Variants in WWOX observed in about 807,000 individuals in gnomAD.
The protein encoded by WWOX is WW domain containing oxidoreductase, also known as WW domain-containing oxidoreductase.
In WWOX, 69 loss-of-function variants were observed where a neutral mutation model predicts 46.2. The ratio of observed to expected loss-of-function variants is 1.49; its 90% CI spans 1.23 to 1.82. The LOEUF is 1.82. Among genes scored for constraint, WWOX ranks in the 40% most tolerant of loss-of-function variants. The pLI is 0.00. For missense variants in WWOX, 919 were observed against 542.6 expected, an observed-to-expected ratio of 1.69 and a Z score of -6.89; for synonymous variants, 359 against 202.6, an observed-to-expected ratio of 1.77 and a Z score of -6.56.
At chr16:79,080,486 G>C (rs1201599001) in intron 8 of WWOX, among the ~76,000 whole-genome samples, 1 of 152,058 alleles carries the variant, frequency 6.6e-6, no homozygotes, top group Non-Finnish European at 1.5e-5. Context: ...CAAATCAGCT[G>C]TTTATACTCC....
chr16:78,688,888 A>C (rs2047923145), intron 8 of WWOX, among the ~76,000 whole-genome samples: 1 of 152,102 alleles, frequency 6.6e-6, no homozygotes, highest in Non-Finnish European at 1.5e-5. Flanking sequence ...GTGAGTTCTC[A>C]CAAGATTTGA....
At chr16:78,526,046 G>C (rs951222433) in intron 8 of WWOX, 3 of 152,218 alleles carry the variant, frequency 2.0e-5, no homozygotes, top group Non-Finnish European at 4.4e-5. Context: ...TTTGATGAAA[G>C]AGGTTTCCTA....
intron 8 of WWOX, among the ~76,000 whole-genome samples, chr16:78,703,063 A>G (rs761145720): frequency 6.6e-6 from 1 of 152,170 alleles, no homozygotes; most frequent in Non-Finnish European, 1.5e-5. Flanking sequence ...GGATCAGAGA[A>G]GGCTCCTCCG....
At chr16:78,434,698 C>T (rs2083298065) in intron 8 of WWOX, among the ~76,000 whole-genome samples, 1 of 152,142 alleles carries the variant, frequency 6.6e-6, no homozygotes, top group Non-Finnish European at 1.5e-5. Flanking sequence ...CTCCTTCTTC[C>T]ATAAGGTCCC....
chr16:78,605,117 G>A (rs1274903833), intron 8 of WWOX, among the ~76,000 whole-genome samples: 2 of 149,566 alleles, frequency 1.3e-5, no homozygotes, highest in African/African-American at 4.9e-5. Flanking sequence ...TTAAGTCTGT[G>A]TTAGCCTGGC....
intron 8 of WWOX, among the ~76,000 whole-genome samples, chr16:78,807,730 T>C (rs2051080370): frequency 6.6e-6 from 1 of 152,248 alleles, no homozygotes; most frequent in African/African-American, 2.4e-5. Flanking sequence ...TAATTGGGGC[T>C]TCTCCAAAGT....
Position 78,413,894 on chromosome 16 carries a change from G to T in WWOX, c.606-10976G>T, listed in dbSNP as rs182877452. On this transcript the variant is annotated intron_variant, in intron 6 of 8. Coordinates refer to ENST00000566780, the MANE Select transcript of WWOX (RefSeq NM_016373.4). ...CCCAGTACTTTGGGAGGCTGAGGTT[G>T]TCAGGCCTCTGAGCCCAAGCTGAGC... Among the ~76,000 whole-genome samples the T allele has an allele frequency of 8.1e-3, 1,233 of 151,832 alleles. 12 individuals are homozygous for T. Among genetic ancestry groups the T allele is most frequent in the South Asian group, 0.015 (73 of 4,794 alleles).
At chr16:78,900,694 C>T (rs538120877) in intron 8 of WWOX, among the ~76,000 whole-genome samples, 1 of 152,230 alleles carries the variant, frequency 6.6e-6, no homozygotes, top group East Asian at 1.9e-4. Context: ...TTGGCAAATG[C>T]CACTTTTCAT....
intron 6 of WWOX, among the ~76,000 whole-genome samples, chr16:78,393,158 G>C (rs1302412101): frequency 6.6e-6 from 1 of 152,182 alleles, no homozygotes; most frequent in African/African-American, 2.4e-5. Context: ...AGTATGAAGA[G>C]CTGGGACCCT....
At chr16:79,126,095 C>T (rs1294272948) in intron 8 of WWOX, among the ~76,000 whole-genome samples, 6 of 152,000 alleles carry the variant, frequency 3.9e-5, no homozygotes, top group African/African-American at 1.5e-4. Context: ...CATAATGTGC[C>T]CTGGAGTTTC....
intron 8 of WWOX, among the ~76,000 whole-genome samples, chr16:79,026,827 C>T (rs1359294570): frequency 4.3e-5 from 6 of 139,472 alleles, no homozygotes; most frequent in Non-Finnish European, 6.1e-5. Flanking sequence ...GACGGGGTTT[C>T]ACCATGTTAG....
At chr16:79,054,625 C>A (rs1597330154) in intron 8 of WWOX, among the ~76,000 whole-genome samples, 1 of 152,210 alleles carries the variant, frequency 6.6e-6, no homozygotes, top group East Asian at 1.9e-4. Context: ...AGTTCAGGAC[C>A]ATCCTGGGCA....
At chr16:78,294,598 T>C (rs916861722) in intron 5 of WWOX, among the ~76,000 whole-genome samples, 1 of 152,174 alleles carries the variant, frequency 6.6e-6, no homozygotes, top group Admixed American at 6.5e-5. Context: ...TGTGTATGTA[T>C]GTCCCCACTA....
chr16:79,199,595 C>T (rs1423049471), intron 8 of WWOX, among the ~76,000 whole-genome samples: 1 of 152,174 alleles, frequency 6.6e-6, no homozygotes, highest in Non-Finnish European at 1.5e-5. Flanking sequence ...TCATAGGGCT[C>T]TTGCAAGAGT....
At chr16:79,080,205 G>A (rs1033365654) in intron 8 of WWOX, among the ~76,000 whole-genome samples, 1 of 152,166 alleles carries the variant, frequency 6.6e-6, no homozygotes, top group African/African-American at 2.4e-5. Context: ...ATCCCACAGT[G>A]ACACAGCCAA....
chr16:78,268,158 G>A (rs1260361615), intron 5 of WWOX, among the ~76,000 whole-genome samples: 1 of 152,124 alleles, frequency 6.6e-6, no homozygotes, highest in Non-Finnish European at 1.5e-5. Context: ...CCTTTCCCAT[G>A]GTGGGACCAA....
intron 8 of WWOX, among the ~76,000 whole-genome samples, chr16:78,925,223 A>G (rs2045471336): frequency 6.6e-6 from 1 of 152,168 alleles, no homozygotes; most frequent in East Asian, 1.9e-4. Flanking sequence ...AAACGTGCTC[A>G]TTGGCTAAGC....
At chr16:78,996,482 A>C in intron 8 of WWOX, 5 of 211,286 alleles carry the variant, frequency 2.4e-5, no homozygotes, top group Non-Finnish European at 4.1e-5. Flanking sequence ...ATGGGTATGC[A>C]TTCATAATGA....
At chr16:78,935,578 G>C (rs2045719277) in intron 8 of WWOX, among the ~76,000 whole-genome samples, 1 of 149,552 alleles carries the variant, frequency 6.7e-6, no homozygotes, top group South Asian at 2.1e-4. Context: ...GACACAGGAA[G>C]GGGAACATCA....
Sources: gnomAD v4.1 joint callset for allele counts (sites outside exome capture counted in the v4.1 genomes callset) on GRCh38, gnomAD v4.1.1 for gene constraint, MANE v1.5 for transcripts, NCBI Gene and HGNC (gene_info 2026-07-23, HGNC 2026-07-21) for gene names.